Variants in MCTP2 observed in about 807,000 individuals in gnomAD.
The protein encoded by MCTP2 is multiple C2 and transmembrane domain containing 2, also known as multiple C2 and transmembrane domain-containing protein 2.
Under a neutral mutation model 111.6 loss-of-function variants are expected in MCTP2, and 132 were observed. The observed-to-expected ratio is 1.18, with a 90% CI of 1.03 to 1.37. The LOEUF (loss-of-function observed/expected upper bound fraction) is 1.37. Among genes scored for constraint, MCTP2 ranks in the 40% most tolerant of loss-of-function variants. The pLI is 0.00. For synonymous variants in MCTP2, 395 were observed against 387.7 expected, an observed-to-expected ratio of 1.02 and a Z score of -0.22; for missense variants, 1,183 against 1,067.9, an observed-to-expected ratio of 1.11 and a Z score of -1.50.
chr15:94,345,191 T>A, intron 8 of MCTP2, 27 bp downstream of exon 8: 2 of 1,603,270 alleles, frequency 1.2e-6, no homozygotes, highest in Non-Finnish European at 1.7e-6. Context: ...TTCCTTTAGA[T>A]CATTTGGTTA....
chr15:94,476,702 ATAAAT>A lies in MCTP2; in HGVS notation c.2479_2483del (p.Lys827TyrfsTer2). On this transcript the variant is annotated frameshift_variant, in exon 22 of 23. Transcript: ENST00000357742. LOFTEE classifies it high-confidence loss of function. ...CTGTGTTTCTATTTTTCAGGCATAA[ATAAAT>A]TTACTAAGAAGCTTCGAAATCCCTA... 1 of 1,566,856 alleles carries A rather than the reference ATAAAT, an allele frequency of 6.4e-7. No individual in the cohort carries two copies. Among genetic ancestry groups the A allele is most frequent in the Non-Finnish European group, 8.8e-7 (1 of 1,137,540 alleles).
At chr15:94,315,735 GT>G in intron 4 of MCTP2, 98 bp downstream of exon 4, 1 of 841,334 alleles carries the variant, frequency 1.2e-6, no homozygotes, top group Non-Finnish European at 2.0e-6. Flanking sequence ...TCACAGCATG[GT>G]TTAGGATAGA....
At chr15:94,277,963 T>A (rs572668442) in intron 1 of MCTP2, among the ~76,000 whole-genome samples, 2 of 152,190 alleles carry the variant, frequency 1.3e-5, no homozygotes, top group South Asian at 4.1e-4. Flanking sequence ...GCAGAGGAAA[T>A]CTCTATACTT....
At chr15:94,299,603 G>T (rs1477201184) in intron 2 of MCTP2, among the ~76,000 whole-genome samples, 1 of 152,132 alleles carries the variant, frequency 6.6e-6, no homozygotes, top group Non-Finnish European at 1.5e-5. Context: ...TCAGTCCCCA[G>T]GTTACCAAAT....
chr15:94,454,593 CTT>C (rs913979043), intron 19 of MCTP2, among the ~76,000 whole-genome samples: 5 of 119,276 alleles, frequency 4.2e-5, no homozygotes, highest in African/African-American at 1.1e-4. Context: ...AAATTGGACT[CTT>C]TTGTGGAAAA....
intron 4 of MCTP2, among the ~76,000 whole-genome samples, chr15:94,336,939 C>T (rs1415415380): frequency 1.3e-5 from 2 of 151,942 alleles, no homozygotes; most frequent in East Asian, 1.9e-4. Context: ...CTTCATTCTC[C>T]TCGCCGAGTA....
chr15:94,258,172 G>T (rs1221208893), intron 1 of MCTP2, among the ~76,000 whole-genome samples: 1 of 151,616 alleles, frequency 6.6e-6, no homozygotes, highest in Non-Finnish European at 1.5e-5. Context: ...CACTGTGCCT[G>T]GCCACATATT....
Position 94,367,589 on chromosome 15 carries a change from C to A in MCTP2, c.1302-16C>A. On this transcript the variant is annotated splice_polypyrimidine_tract_variant and intron_variant, in intron 10 of 22. Transcript: ENST00000357742. Reference sequence around the variant, plus strand: ...TTAATCACTTTTCTCTCTCTTGATTCCTGAAACTTTTCTAGGTGTAAAGTG... The same window carrying A: ...TTAATCACTTTTCTCTCTCTTGATTACTGAAACTTTTCTAGGTGTAAAGTG... 3 of 1,599,336 alleles carry A rather than the reference C, an allele frequency of 1.9e-6. No individual in the cohort carries two copies. The highest frequency in any genetic ancestry group is 1.8e-5 in the Admixed American group (1 of 56,948).
At chr15:94,271,141 G>A (rs1438868147) in intron 1 of MCTP2, among the ~76,000 whole-genome samples, 3 of 152,152 alleles carry the variant, frequency 2.0e-5, no homozygotes, top group Non-Finnish European at 2.9e-5. Context: ...GAGAGTGTGT[G>A]TGCATAAAAA....
rs111308501 is a variant in MCTP2, at chr15:94,364,536, G to T, written c.1302-3069G>T. ...TTCTTTTGAGATTTTTCGTGTTAAAGGTGTCTTTGATTAATGTATTATAGA... is the reference window on the plus strand; with the variant it reads ...TTCTTTTGAGATTTTTCGTGTTAAATGTGTCTTTGATTAATGTATTATAGA... On this transcript the variant is annotated intron_variant, in intron 10 of 22. Coordinates refer to ENST00000357742, the MANE Select transcript of MCTP2 (RefSeq NM_001385001.1). 2.2e-3 allele frequency among the ~76,000 whole-genome samples: 332 copies of T among 152,208 alleles called. 1 individual carries two copies. The highest frequency in any genetic ancestry group is 5.9e-3 in the African/African-American group (246 of 41,530).
chr15:94,443,899 G>A (rs1567718761), intron 19 of MCTP2, among the ~76,000 whole-genome samples: 1 of 142,078 alleles, frequency 7.0e-6, no homozygotes, highest in African/African-American at 2.6e-5. Flanking sequence ...CTTGATGTTA[G>A]CTAGCGGTTT....
chr15:94,235,334 G>A (rs207475696), intron 1 of MCTP2, among the ~76,000 whole-genome samples: 10 of 151,716 alleles, frequency 6.6e-5, no homozygotes, highest in Admixed American at 6.6e-5. Flanking sequence ...CAGCACCTAC[G>A]TACCTGAGAT....
At chr15:94,375,531 T>G (rs1486877063) in intron 12 of MCTP2, among the ~76,000 whole-genome samples, 1 of 152,160 alleles carries the variant, frequency 6.6e-6, no homozygotes, top group Non-Finnish European at 1.5e-5. Context: ...GGATTTTTAT[T>G]TCACCCTTGA....
chr15:94,289,264 A>G (rs922825026), intron 1 of MCTP2, among the ~76,000 whole-genome samples: 1 of 152,222 alleles, frequency 6.6e-6, no homozygotes, highest in East Asian at 1.9e-4. Flanking sequence ...TGGAAGAACA[A>G]TGATTCAAAT....
At chr15:94,383,265 T>C (rs2152454727) in intron 12 of MCTP2, among the ~76,000 whole-genome samples, 1 of 152,364 alleles carries the variant, frequency 6.6e-6, no homozygotes, top group African/African-American at 2.4e-5. Flanking sequence ...TGTAGAAGCC[T>C]GTAAGTTACA....
intron 2 of MCTP2, among the ~76,000 whole-genome samples, chr15:94,313,004 GC>G (rs1347876148): frequency 1.3e-5 from 2 of 152,112 alleles, no homozygotes; most frequent in Non-Finnish European, 2.9e-5. Flanking sequence ...TGTCATCAGT[GC>G]CCCTACCCGC....
chr15:94,467,005 T>G (rs2073395042), intron 20 of MCTP2, among the ~76,000 whole-genome samples: 1 of 152,178 alleles, frequency 6.6e-6, no homozygotes, highest in African/African-American at 2.4e-5. Context: ...GCAATAACAA[T>G]GAGAAAAATG....
At chr15:94,390,089 T>TATATATATATATATATATACAC (rs1567602819) in intron 14 of MCTP2, among the ~76,000 whole-genome samples, 15 of 13,608 alleles carry the variant, frequency 1.1e-3, no homozygotes, top group African/African-American at 2.2e-3. Flanking sequence ...TATATATATA[T>TATATATATATATATATATACAC]GTATATATAT....
intron 14 of MCTP2, among the ~76,000 whole-genome samples, chr15:94,389,564 T>A (rs1234679160): frequency 6.6e-6 from 1 of 152,178 alleles, no homozygotes; most frequent in Non-Finnish European, 1.5e-5. Context: ...GATTTCATAT[T>A]GTGTGCTTCT....
Sources: allele counts gnomAD v4.1 joint callset (sites outside exome capture counted in the v4.1 genomes callset), GRCh38; gene constraint gnomAD v4.1.1; transcripts MANE v1.5; gene names NCBI Gene and HGNC (gene_info 2026-07-23, HGNC 2026-07-21).